Variants in CABLES1 observed in about 807,000 individuals in gnomAD.
CABLES1 encodes the protein CDK5 and ABL1 enzyme substrate 1.
In CABLES1, 36 loss-of-function variants were observed where a neutral mutation model predicts 57.8. That is an observed-to-expected ratio of 0.62 (90% CI 0.48 to 0.82). The LOEUF is 0.82. Among genes scored for constraint, CABLES1 ranks in the 40% least tolerant of loss-of-function variants. The probability of loss-of-function intolerance (pLI) is 0.00; values close to 1 mark genes in which losing one functional copy is unlikely to be tolerated. For synonymous variants in CABLES1, 374 were observed against 363.0 expected (o/e 1.03, Z -0.35); for missense variants, 767 against 836.6 (o/e 0.92, Z 1.03).
At chr18:23,195,985 AGGAATG>A (rs1258670921) in intron 3 of CABLES1, among the ~76,000 whole-genome samples, 1 of 152,244 alleles carries the variant, frequency 6.6e-6, no homozygotes, top group Non-Finnish European at 1.5e-5. Flanking sequence ...ACAAAGCCAA[AGGAATG>A]GGTCAAGGAG....
At chr18:23,143,151 C>T (rs976516475) in intron 1 of CABLES1, among the ~76,000 whole-genome samples, 2 of 152,156 alleles carry the variant, frequency 1.3e-5, no homozygotes, top group African/African-American at 4.8e-5. Context: ...CTTGTGATTT[C>T]CTTGTTTCAG....
At chr18:23,257,142 C>G (rs1040609151) in intron 9 of CABLES1, 85 bp from the exon 10 acceptor site, 11 of 1,476,272 alleles carry the variant, frequency 7.5e-6, no homozygotes, top group Non-Finnish European at 6.5e-6. Flanking sequence ...CACTCACTGG[C>G]TGGTGGATAG....
At chr18:23,235,224 A>G (rs895257849) in intron 5 of CABLES1, among the ~76,000 whole-genome samples, 1 of 152,236 alleles carries the variant, frequency 6.6e-6, no homozygotes, top group Non-Finnish European at 1.5e-5. Flanking sequence ...TGCAGGGTCC[A>G]GACGGTCCTC....
chr18:23,158,319 C>A (rs1039021183), intron 1 of CABLES1, among the ~76,000 whole-genome samples: 6 of 152,010 alleles, frequency 3.9e-5, no homozygotes, highest in African/African-American at 1.4e-4. Context: ...GATAATAACA[C>A]CAAACATCTG....
chr18:23,194,353 C>A, intron 2 of CABLES1, 95 bp from the exon 3 acceptor site: 1 of 745,638 alleles, frequency 1.3e-6, no homozygotes. Flanking sequence ...TGACTCAAGC[C>A]ATTTGTCTGG....
chr18:23,177,694 G>C (rs7231643), intron 1 of CABLES1, among the ~76,000 whole-genome samples: 13 of 151,798 alleles, frequency 8.6e-5, no homozygotes, highest in African/African-American at 2.9e-4. Flanking sequence ...GCTCTGGGAA[G>C]GTGCATGTAG....
At chr18:23,218,060 C>T (rs575475515) in intron 4 of CABLES1, among the ~76,000 whole-genome samples, 17 of 152,338 alleles carry the variant, frequency 1.1e-4, no homozygotes, top group East Asian at 7.7e-4. Flanking sequence ...ACAACACCCC[C>T]GCCACCCCAC....
At chr18:23,252,605 C>G (rs560601752) in intron 7 of CABLES1, among the ~76,000 whole-genome samples, 7 of 152,252 alleles carry the variant, frequency 4.6e-5, no homozygotes, top group Admixed American at 2.6e-4. Context: ...AGATTGAACC[C>G]AGGTCTGTGC....
intron 6 of CABLES1, among the ~76,000 whole-genome samples, chr18:23,236,813 C>A (rs771121964): frequency 6.6e-6 from 1 of 152,302 alleles, no homozygotes; most frequent in African/African-American, 2.4e-5. Flanking sequence ...GGAACCTCTT[C>A]GGGGCCACAC....
At chr18:23,135,231 A>G (rs2046808664), upstream of CABLES1, among the ~76,000 whole-genome samples, 1 of 152,012 alleles carries the variant, frequency 6.6e-6, no homozygotes, top group Non-Finnish European at 1.5e-5. Context: ...CAACTCTCCC[A>G]GCAGGCAGCT....
intron 1 of CABLES1, among the ~76,000 whole-genome samples, chr18:23,172,432 A>G (rs8098610): frequency 0.015 from 2,276 of 152,294 alleles, 56 homozygotes; most frequent in African/African-American, 0.052. Context: ...CAGATCCCCA[A>G]GAGGTCGAGA....
intron 1 of CABLES1, among the ~76,000 whole-genome samples, chr18:23,157,342 G>C (rs571255309): frequency 5.9e-4 from 90 of 152,334 alleles, no homozygotes; most frequent in African/African-American, 1.4e-3. Flanking sequence ...GTAAAGGCGG[G>C]GGGGCGGTGG....
At chr18:23,165,588 G>T (rs1475386057) in intron 1 of CABLES1, among the ~76,000 whole-genome samples, 1 of 151,868 alleles carries the variant, frequency 6.6e-6, no homozygotes, top group Non-Finnish European at 1.5e-5. Context: ...TTTGACTACT[G>T]GAGGTACCTC....
chr18:23,246,161 G>A (rs1331506217), intron 7 of CABLES1, among the ~76,000 whole-genome samples: 4 of 151,980 alleles, frequency 2.6e-5, no homozygotes, highest in Admixed American at 6.5e-5. Flanking sequence ...CTACTCAGGA[G>A]GCTGAGGCAA....
At chr18:23,244,205 G>A (rs997232410) in intron 7 of CABLES1, among the ~76,000 whole-genome samples, 1 of 151,968 alleles carries the variant, frequency 6.6e-6, no homozygotes, top group Non-Finnish European at 1.5e-5. Context: ...CAAGTGGATG[G>A]AGACACTACT....
At position 23,260,354 on chromosome 18, in the gene CABLES1, C is replaced by A. The variant is rs1247531463; in HGVS notation, c.*2987C>A. The A allele has an allele frequency of 6.6e-6, 1 of 152,246 alleles. No individual in the cohort carries two copies. Among genetic ancestry groups the A allele is most frequent in the Non-Finnish European group, 1.5e-5 (1 of 68,084 alleles). The allele number at this position is 152,246 out of a possible 1,614,324, so 9.4% of individuals were successfully genotyped here. A position where few individuals can be genotyped will look rare whatever the true frequency, so the allele number is the denominator to read the frequency against. ...CTTGGGGCGGCCGCTTCACACAAGC[C>A]ACTCTGTACCACGTGCCCTACCTTA... On this transcript the variant is annotated 3_prime_UTR_variant, in exon 10 of 10. Transcript: ENST00000256925.
In CABLES1 at chr18:23,136,365, G is replaced by T; in HGVS notation, c.603G>T (p.Gly201=). The T allele has an allele frequency of 6.6e-7, 1 of 1,520,372 alleles. No homozygotes were observed. Among genetic ancestry groups the T allele is most frequent in the Non-Finnish European group, 8.8e-7 (1 of 1,135,588 alleles). 94.2% of individuals were successfully genotyped at this position (1,520,372 alleles called of 1,614,324 possible). A position where few individuals can be genotyped will look rare whatever the true frequency, so the allele number is the denominator to read the frequency against. ...AACTGCAGCTGCTCGACGGGTCCGG[G>T]GCCGCCGGGCAGGAGGAGTTGGAGG... The part of the protein sequence containing the change: ...CAQLQLLDGS[G]AAGQEELEED... The change falls in exon 1 of 10, where the codon GGG becomes GGT. Residue 201 remains glycine (G), a synonymous_variant. Transcript: ENST00000256925.
chr18:23,248,777 A>G (rs2047967106), intron 7 of CABLES1, among the ~76,000 whole-genome samples: 1 of 152,182 alleles, frequency 6.6e-6, no homozygotes, highest in South Asian at 2.1e-4. Context: ...GTGATCTGAG[A>G]TCACACCATT....
intron 1 of CABLES1, among the ~76,000 whole-genome samples, chr18:23,150,184 T>C (rs541788172): frequency 1.3e-5 from 2 of 149,920 alleles, no homozygotes; most frequent in East Asian, 3.9e-4. Flanking sequence ...ACCTCTATTT[T>C]AAGGTCATAG....
Sources: gnomAD v4.1 joint callset for allele counts (sites outside exome capture counted in the v4.1 genomes callset) on GRCh38, gnomAD v4.1.1 for gene constraint, MANE v1.5 for transcripts, NCBI Gene and HGNC (gene_info 2026-07-23, HGNC 2026-07-21) for gene names.